Variants in CFAP20DC observed in about 807,000 individuals in gnomAD.
The protein encoded by CFAP20DC is CFAP20 domain containing.
CFAP20DC carries 84 observed loss-of-function variants against 101.7 expected under a neutral mutation model. That is an observed-to-expected ratio of 0.83 (90% CI 0.69 to 0.99). The LOEUF (loss-of-function observed/expected upper bound fraction) is 0.99, where lower values mean the gene tolerates loss of function less well. CFAP20DC is among the 50% of genes least tolerant of loss of function. CFAP20DC has a pLI of 0.00. For missense variants in CFAP20DC, 1,007 were observed against 970.3 expected (o/e 1.04, Z -0.50); for synonymous variants, 359 against 351.2 (o/e 1.02, Z -0.25).
chr3:58,848,992 T>C (rs2077980843), intron 13 of CFAP20DC, 40 bp downstream of exon 13: 1 of 1,519,714 alleles, frequency 6.6e-7, no homozygotes, highest in Admixed American at 2.0e-5. Context: ...CACAGCAGGA[T>C]GTATTGCCGG....
intron 15 of CFAP20DC, among the ~76,000 whole-genome samples, chr3:58,765,471 C>CAAAA (rs1288496269): frequency 7.2e-5 from 2 of 27,754 alleles, no homozygotes; most frequent in Admixed American, 4.4e-4. Flanking sequence ...ACATTCTAGC[C>CAAAA]AAAAAAAAAA....
intron 15 of CFAP20DC, among the ~76,000 whole-genome samples, chr3:58,773,495 A>G (rs2071047485): frequency 6.6e-6 from 1 of 152,016 alleles, no homozygotes; most frequent in Admixed American, 6.6e-5. Flanking sequence ...GGTCGAGGCT[A>G]TAGTGAGGTA....
chr3:58,982,356 A>G (rs1255107045), intron 4 of CFAP20DC, among the ~76,000 whole-genome samples: 3 of 152,186 alleles, frequency 2.0e-5, no homozygotes, highest in Admixed American at 1.3e-4. Flanking sequence ...CCATCCCATT[A>G]CTGGGTATAT....
chr3:58,816,622 C>A (rs1383909151), intron 14 of CFAP20DC, among the ~76,000 whole-genome samples: 5 of 142,612 alleles, frequency 3.5e-5, no homozygotes, highest in African/African-American at 1.5e-4. Flanking sequence ...ATATCCCACA[C>A]CTGGCTCGAG....
intron 5 of CFAP20DC, among the ~76,000 whole-genome samples, chr3:58,934,245 AC>A (rs1245782678): frequency 6.6e-6 from 1 of 152,220 alleles, no homozygotes; most frequent in Non-Finnish European, 1.5e-5. Flanking sequence ...CTCTGAATAG[AC>A]CAATAACAGG....
chr3:58,922,206 A>G (rs1034101222), intron 5 of CFAP20DC, among the ~76,000 whole-genome samples: 1 of 152,172 alleles, frequency 6.6e-6, no homozygotes, highest in Non-Finnish European at 1.5e-5. Flanking sequence ...AATGACTTTG[A>G]TACGTTTGAG....
At chr3:58,999,280 A>G (rs766285930) in intron 4 of CFAP20DC, among the ~76,000 whole-genome samples, 1 of 152,224 alleles carries the variant, frequency 6.6e-6, no homozygotes, top group Non-Finnish European at 1.5e-5. Flanking sequence ...GCAAGAAGCC[A>G]TAAGACAAAC....
rs185220549 is a variant in CFAP20DC at position 58,866,770 on chromosome 3, T to C, written c.1136-82A>G. 5.3e-3 allele frequency: 4,741 copies of C among 887,150 alleles called. 21 individuals are homozygous for C. Among genetic ancestry groups the C allele is most frequent in the Non-Finnish European group, 5.5e-3 (3,195 of 582,272 alleles). The allele number at this position is 887,150 out of a possible 1,614,324, so 55.0% of individuals were successfully genotyped here. On this transcript the variant is annotated intron_variant, in intron 10 of 16. Transcript: ENST00000482387. ...ATTTTAGAAGAATGGTTTACTTTGG[T>C]ATACTTTACTATTTGATCATTTAAA...
At chr3:58,886,818 A>G (rs2081672736) in intron 6 of CFAP20DC, among the ~76,000 whole-genome samples, 1 of 152,194 alleles carries the variant, frequency 6.6e-6, no homozygotes, top group Non-Finnish European at 1.5e-5. Context: ...CATAGTTTTT[A>G]ATTTTATTCT....
chr3:58,766,734 C>T (rs1035748186), intron 15 of CFAP20DC, among the ~76,000 whole-genome samples: 15 of 152,296 alleles, frequency 9.8e-5, no homozygotes, highest in African/African-American at 1.7e-4. Flanking sequence ...GCTCTGGCCA[C>T]GCTGGTCTTC....
chr3:58,721,487 G>C lies in CFAP20DC; in HGVS notation c.198-3859C>G, dbSNP rs530472022. ...TCAGGGAAGTTTTCCACAAAGAAGC[G>C]ATATTTAAGCTGAGATCTGAAGGAT... On this transcript the variant is annotated intron_variant, in intron 3 of 3. Transcript: ENST00000486145. This position sits in a 1 kb window ranked among gnomAD's most constrained non-coding sequence, Gnocchi z 5.2. 2.0e-5 allele frequency among the ~76,000 whole-genome samples: 3 copies of C among 152,156 alleles called. No individual in the cohort carries two copies. The highest frequency in any genetic ancestry group is 1.9e-4 in the East Asian group (1 of 5,200).
In CFAP20DC at chr3:58,921,983, C is replaced by G. The variant is rs901484363; in HGVS notation, c.394-8119G>C. On this transcript the variant is annotated intron_variant, in intron 5 of 16. Transcript: ENST00000482387. Reference sequence around the variant, plus strand: ...TACATAATATTCCTTGTCCTGAAGTCTAATTTGTCTGCTATTAGTATACGT... The same window carrying G: ...TACATAATATTCCTTGTCCTGAAGTGTAATTTGTCTGCTATTAGTATACGT... Among the ~76,000 whole-genome samples, 3 of 152,158 alleles carry G rather than the reference C, an allele frequency of 2.0e-5. No homozygotes were observed. In the East Asian group the frequency reaches 5.8e-4, roughly 29 times the overall value.
At position 58,815,207 on chromosome 3, in the gene CFAP20DC, A is replaced by G. The variant is rs551440837; in HGVS notation, c.2176-8751T>C. On this transcript the variant is annotated intron_variant, in intron 14 of 16. Transcript: ENST00000482387. ...ACAGCCCTCAGAAATAACGCTGCAT[A>G]TCTACAACTATCTAATCTTTGACAA... Among the ~76,000 whole-genome samples, 270 of 151,810 alleles carry G rather than the reference A, an allele frequency of 1.8e-3. 8 individuals are homozygous for G. Among genetic ancestry groups the G allele is most frequent in the African/African-American group, 6.2e-3 (255 of 41,170 alleles).
At chr3:58,948,254 C>T (rs2089621154) in intron 4 of CFAP20DC, among the ~76,000 whole-genome samples, 1 of 152,246 alleles carries the variant, frequency 6.6e-6, no homozygotes, top group Non-Finnish European at 1.5e-5. Flanking sequence ...TGCTTATGCA[C>T]TTCCCTTGGA....
chr3:58,842,784 C>T (rs1189017458), intron 13 of CFAP20DC, among the ~76,000 whole-genome samples: 1 of 152,224 alleles, frequency 6.6e-6, no homozygotes, highest in Admixed American at 6.5e-5. Flanking sequence ...TTTGAAGGAG[C>T]AGTGGTTCTC....
intron 14 of CFAP20DC, among the ~76,000 whole-genome samples, chr3:58,816,489 G>C (rs2075157982): frequency 6.6e-6 from 1 of 152,216 alleles, no homozygotes; most frequent in South Asian, 2.1e-4. Flanking sequence ...GAAGCGCAAG[G>C]GGTCAGGGAG....
intron 14 of CFAP20DC, among the ~76,000 whole-genome samples, chr3:58,814,123 A>C (rs1184341259): frequency 6.6e-6 from 1 of 151,816 alleles, no homozygotes; most frequent in Admixed American, 6.6e-5. Context: ...TTATTTTTAG[A>C]GGCATTTCCA....
chr3:59,035,980 T>C (rs1471172511), intron 4 of CFAP20DC, among the ~76,000 whole-genome samples: 1 of 152,166 alleles, frequency 6.6e-6, no homozygotes, highest in Non-Finnish European at 1.5e-5. Flanking sequence ...ATCCCTGGGA[T>C]GCAAGGCTGG....
chr3:58,918,726 G>C (rs1169587462), intron 5 of CFAP20DC, among the ~76,000 whole-genome samples: 1 of 151,976 alleles, frequency 6.6e-6, no homozygotes, highest in Non-Finnish European at 1.5e-5. Flanking sequence ...AAGAGTCTGG[G>C]CTCTGGAGCC....
Sources: gnomAD v4.1 joint callset for allele counts (sites outside exome capture counted in the v4.1 genomes callset) on GRCh38, gnomAD v4.1.1 for gene constraint, Gnocchi (gnomAD v3.1) non-coding constraint, MANE v1.5 for transcripts, NCBI Gene and HGNC (gene_info 2026-07-23, HGNC 2026-07-21) for gene names.